The following IGSF5 variants were observed in gnomAD, a reference collection of about 807,000 sequenced individuals.
IGSF5 encodes immunoglobulin superfamily 5 like.
IGSF5 carries 41 observed loss-of-function variants against 39.4 expected under a neutral mutation model. That is an observed-to-expected ratio of 1.04 (90% CI 0.81 to 1.35). The LOEUF (loss-of-function observed/expected upper bound fraction) is 1.35. Among genes scored for constraint, IGSF5 ranks in the 40% most tolerant of loss-of-function variants. The probability of loss-of-function intolerance (pLI) is 0.00; values close to 1 mark genes in which losing one functional copy is unlikely to be tolerated. For missense variants in IGSF5, 487 were observed against 494.6 expected (o/e 0.98, Z 0.15); for synonymous variants, 183 against 175.3 (o/e 1.04, Z -0.34).
chr21:39,748,635 C>T (rs1043816158), intron 2 of IGSF5, among the ~76,000 whole-genome samples: 2 of 152,096 alleles, frequency 1.3e-5, no homozygotes, highest in Admixed American at 6.5e-5. Flanking sequence ...ACCTTATGAC[C>T]TTTCAAAGGC....
In IGSF5 at chr21:39,791,748, C is replaced by T. The variant is rs73367593; in HGVS notation, c.957-260C>T. ...TCTTGTTTTATTTGGTGAATGGTTT[C>T]TGAGAGTTGAGTAACAACTGGGGAG... is the stretch of plus-strand genomic sequence containing the variant. On this transcript the variant is annotated intron_variant, in intron 6 of 8. Coordinates refer to ENST00000380588, the MANE Select transcript of IGSF5 (RefSeq NM_001080444.2). 1.2e-3 allele frequency: 443 copies of T among 363,932 alleles called. 4 individuals carry two copies. The highest frequency in any genetic ancestry group is 8.6e-3 in the African/African-American group (418 of 48,794). The allele number at this position is 363,932 out of a possible 1,614,324, so 22.5% of individuals were successfully genotyped here.
At chr21:39,757,928 C>T (rs912211269) in intron 2 of IGSF5, among the ~76,000 whole-genome samples, 6 of 152,074 alleles carry the variant, frequency 3.9e-5, no homozygotes, top group Non-Finnish European at 7.4e-5. Context: ...CACTGAGATG[C>T]GCTGATCCAA....
In IGSF5 at chr21:39,765,731, C is replaced by G; in HGVS notation, c.297C>G (p.Asp99Glu). ...TNDRFTSQRY[D>E]QGGNFTSEMI... ...ACCGCTTCACCTCTCAGAGGTACGA[C>G]CAGGGCGGGAACTTCACCTCGGAGA... The change falls in exon 3 of 9, where the codon GAC (aspartate) becomes GAG (glutamate). Residue 99 changes from aspartate (D) to glutamate (E), a missense_variant. By Grantham distance (45) the Asp-to-Glu change is conservative. Transcript: ENST00000380588. 6.2e-7 allele frequency: 1 copy of G among 1,614,094 alleles called. No homozygotes were observed. The highest frequency in any genetic ancestry group is 8.5e-7 in the Non-Finnish European group (1 of 1,180,010).
intron 4 of IGSF5, among the ~76,000 whole-genome samples, chr21:39,775,577 T>C (rs2080135677): frequency 6.6e-6 from 1 of 152,154 alleles, no homozygotes; most frequent in African/African-American, 2.4e-5. Context: ...TCTTCACAGA[T>C]GGGAAAAGGA....
chr21:39,764,419 C>T (rs8132429), intron 2 of IGSF5, among the ~76,000 whole-genome samples: 64,366 of 152,004 alleles, frequency 0.42, 13,958 homozygotes, highest in Non-Finnish European at 0.48. Context: ...CGGCTCACTG[C>T]AACCTCTGCC....
chr21:39,795,020 T>C (rs1333993086), intron 8 of IGSF5, among the ~76,000 whole-genome samples: 1 of 152,094 alleles, frequency 6.6e-6, no homozygotes, highest in Non-Finnish European at 1.5e-5. Context: ...ACTATTAATA[T>C]TAGTGTCAAC....
upstream of IGSF5, among the ~76,000 whole-genome samples, chr21:39,742,635 T>C (rs1323850342): frequency 6.6e-6 from 1 of 152,200 alleles, no homozygotes; most frequent in Non-Finnish European, 1.5e-5. Context: ...AGAGGGCGGC[T>C]TACTTCTACT....
intron 5 of IGSF5, among the ~76,000 whole-genome samples, chr21:39,780,198 A>G (rs1268552034): frequency 6.6e-6 from 1 of 152,250 alleles, no homozygotes; most frequent in African/African-American, 2.4e-5. Context: ...GTGTTTTAAT[A>G]AAGCTCAGAC....
Position 39,782,324 on chromosome 21 carries a change from G to T in IGSF5, c.934+3019G>T, listed in dbSNP as rs1395877611. Reference sequence around the variant, plus strand: ...TTCTGGCTAGTTTTGCATGTTTATTGTTAAAACTTGTTTATTTTAAAAAAT... The same window carrying T: ...TTCTGGCTAGTTTTGCATGTTTATTTTTAAAACTTGTTTATTTTAAAAAAT... On this transcript the variant is annotated intron_variant, in intron 5 of 8. Transcript: ENST00000380588. 4.6e-5 allele frequency among the ~76,000 whole-genome samples: 7 copies of T among 152,210 alleles called. No individual in the cohort carries two copies. In the East Asian group the frequency reaches 9.6e-4, roughly 21 times the overall value.
chr21:39,741,037 G>A (rs926055693), upstream of IGSF5, among the ~76,000 whole-genome samples: 11 of 152,038 alleles, frequency 7.2e-5, 1 homozygote, highest in African/African-American at 2.4e-4. Context: ...GGTATGCCAC[G>A]GGTTGCAAAC....
intron 2 of IGSF5, among the ~76,000 whole-genome samples, chr21:39,757,233 C>T (rs1320756681): frequency 6.6e-6 from 1 of 151,834 alleles, no homozygotes; most frequent in African/African-American, 2.4e-5. Context: ...ACACCTATTG[C>T]CACCTTCTAA....
intron 2 of IGSF5, among the ~76,000 whole-genome samples, chr21:39,749,457 C>T (rs1341803807): frequency 6.6e-6 from 1 of 152,206 alleles, no homozygotes; most frequent in Non-Finnish European, 1.5e-5. Context: ...AGGTGATCTG[C>T]CCGCCTTGGC....
At chr21:39,788,541 G>A (rs1483298321) in intron 6 of IGSF5, among the ~76,000 whole-genome samples, 1 of 152,230 alleles carries the variant, frequency 6.6e-6, no homozygotes. Context: ...CAGGGCCACC[G>A]GCAGAGGTCC....
At chr21:39,755,871 A>G (rs2080027056) in intron 2 of IGSF5, among the ~76,000 whole-genome samples, 1 of 152,134 alleles carries the variant, frequency 6.6e-6, no homozygotes, top group African/African-American at 2.4e-5. Flanking sequence ...TGGGAGGCCA[A>G]AGCAGGCGGA....
At chr21:39,788,551 C>T (rs1601140506) in intron 6 of IGSF5, among the ~76,000 whole-genome samples, 2 of 152,242 alleles carry the variant, frequency 1.3e-5, no homozygotes, top group East Asian at 3.8e-4. Flanking sequence ...GGCAGAGGTC[C>T]TGCTGGAATT....
chr21:39,756,474 C>T (rs182627238), intron 2 of IGSF5, among the ~76,000 whole-genome samples: 12 of 152,254 alleles, frequency 7.9e-5, no homozygotes, highest in South Asian at 4.2e-4. Context: ...CCTGGATGTG[C>T]GTTGTCAGCA....
Position 39,793,701 on chromosome 21 carries a change from G to C in IGSF5, c.1128+88G>C, listed in dbSNP as rs532201725. ...TGTGGGTGATTATAAAATGGTGCGC[G>C]TTGTGTATTCATGATGGTGGCATGT... On this transcript the variant is annotated intron_variant, in intron 8 of 8. Coordinates refer to ENST00000380588, the MANE Select transcript of IGSF5 (RefSeq NM_001080444.2). 4.8e-6 allele frequency: 5 copies of C among 1,048,770 alleles called. No individual in the cohort carries two copies. In the Admixed American group the frequency reaches 9.1e-5, roughly 19 times the overall value. 65.0% of individuals were successfully genotyped at this position (1,048,770 alleles called of 1,614,324 possible). A position where few individuals can be genotyped will look rare whatever the true frequency, so the allele number is the denominator to read the frequency against.
At chr21:39,719,465 C>T in the IGSF5 span, among the ~76,000 whole-genome samples, 1 of 152,106 alleles carries the variant, frequency 6.6e-6, no homozygotes, top group East Asian at 1.9e-4. Flanking sequence ...CTGGAGGTGA[C>T]CTCATTTCCT....
chr21:39,747,854 A>G (rs900555141), intron 2 of IGSF5, among the ~76,000 whole-genome samples: 3 of 152,038 alleles, frequency 2.0e-5, no homozygotes, highest in Non-Finnish European at 4.4e-5. Flanking sequence ...GCTAAGTGCT[A>G]GTGTCCAAGG....
Sources: allele counts gnomAD v4.1 joint callset (sites outside exome capture counted in the v4.1 genomes callset), GRCh38; gene constraint gnomAD v4.1.1; transcripts MANE v1.5; gene names NCBI Gene and HGNC (gene_info 2026-07-23, HGNC 2026-07-21).